The following HAVCR2 variants were observed in gnomAD, a reference collection of about 807,000 sequenced individuals.
HAVCR2 encodes T cell immunoglobulin mucin 3.
Under a neutral mutation model 24.7 loss-of-function variants are expected in HAVCR2, and 13 were observed. That is an observed-to-expected ratio of 0.53 (90% CI 0.34 to 0.84). HAVCR2 has a LOEUF of 0.84. Ranked by LOEUF, HAVCR2 falls within the 40% of genes least tolerant of loss-of-function variation. The pLI is 0.01. For synonymous variants in HAVCR2, 154 were observed against 143.4 expected, an observed-to-expected ratio of 1.07 and a Z score of -0.53; for missense variants, 343 against 371.2, an observed-to-expected ratio of 0.92 and a Z score of 0.62.
rs541706576 is a variant in HAVCR2 at position 157,099,141 on chromosome 5, A to C, written c.479-240T>G. Among the ~76,000 whole-genome samples, 13 of 152,336 alleles carry C rather than the reference A, an allele frequency of 8.5e-5. No individual in the cohort carries two copies. The South Asian group carries it at 2.7e-3, about 32-fold the overall frequency. On this transcript the variant is annotated intron_variant, in intron 3 of 6. Transcript: ENST00000307851. ...TCTAGATAATGAACCGTACTGTTTT[A>C]TGAAATAGAGACTTCTGCCAGGAAG...
intron 5 of HAVCR2, among the ~76,000 whole-genome samples, chr5:157,093,136 A>G (rs569170526): frequency 6.6e-5 from 10 of 150,848 alleles, no homozygotes; most frequent in Admixed American, 4.6e-4. Context: ...CATGTGATCA[A>G]TTCAAAAATT....
chr5:157,099,975 C>T (rs553442979), intron 3 of HAVCR2, among the ~76,000 whole-genome samples: 2 of 152,274 alleles, frequency 1.3e-5, no homozygotes, highest in South Asian at 2.1e-4. Context: ...GGATTACAGG[C>T]GTGAGCCACC....
chr5:157,095,308 T>G lies in HAVCR2; in HGVS notation c.674A>C (p.Lys225Thr). 6.2e-7 allele frequency: 1 copy of G among 1,613,336 alleles called. No individual in the cohort carries two copies. Among genetic ancestry groups the G allele is most frequent in the Non-Finnish European group, 8.5e-7 (1 of 1,179,762 alleles). Reference protein sequence around the residue: ...LALIFGALIFKWYSHSKEKIQ... With the variant: ...LALIFGALIFTWYSHSKEKIQ... ...GAGAGAGAAACAAAAACACTTACATTTGAAAATTAAAGCGCCGAAGATAAG... is the reference window on the plus strand; with the variant it reads ...GAGAGAGAAACAAAAACACTTACATGTGAAAATTAAAGCGCCGAAGATAAG... Residue 225 changes from lysine (K) to threonine (T), a missense_variant and splice_region_variant, in exon 5 of 7, where the codon AAA becomes ACA. Lys to Thr is a moderately conservative substitution (Grantham distance 78). Transcript: ENST00000307851.
At chr5:157,108,097 A>T (rs891362068) in intron 1 of HAVCR2, among the ~76,000 whole-genome samples, 3 of 152,026 alleles carry the variant, frequency 2.0e-5, no homozygotes, top group African/African-American at 7.2e-5. Flanking sequence ...ATGATAAAAC[A>T]TTCATTATAT....
chr5:157,104,598 C>G, intron 3 of HAVCR2, 68 bp downstream of exon 3: 2 of 1,093,794 alleles, frequency 1.8e-6, no homozygotes, highest in Non-Finnish European at 2.7e-6. Flanking sequence ...ATCTTTTTTT[C>G]CCACATTCAA....
At chr5:157,101,467 T>G (rs527500994) in intron 3 of HAVCR2, among the ~76,000 whole-genome samples, 1 of 152,358 alleles carries the variant, frequency 6.6e-6, no homozygotes, top group South Asian at 2.1e-4. Flanking sequence ...TATTTGGTAC[T>G]TATTAGGTGC....
chr5:157,091,571 G>A (rs367827844), intron 5 of HAVCR2, among the ~76,000 whole-genome samples: 1 of 152,194 alleles, frequency 6.6e-6, no homozygotes, highest in Admixed American at 6.6e-5. Flanking sequence ...GTCAAGGAGT[G>A]TAGATGGGTG....
At chr5:157,089,847 C>G (rs932251185) in intron 5 of HAVCR2, among the ~76,000 whole-genome samples, 1 of 152,026 alleles carries the variant, frequency 6.6e-6, no homozygotes, top group Non-Finnish European at 1.5e-5. Flanking sequence ...GGGCTAGGTC[C>G]AATAAGACCT....
At chr5:157,090,665 G>A (rs1224330953) in intron 5 of HAVCR2, among the ~76,000 whole-genome samples, 1 of 152,190 alleles carries the variant, frequency 6.6e-6, no homozygotes, top group Non-Finnish European at 1.5e-5. Flanking sequence ...TTATAGGCAT[G>A]AGCCATTGTG....
intron 3 of HAVCR2, among the ~76,000 whole-genome samples, chr5:157,102,705 C>T (rs1485952566): frequency 6.6e-6 from 1 of 151,992 alleles, no homozygotes; most frequent in Non-Finnish European, 1.5e-5. Context: ...GAGGCCGAGG[C>T]AGAGGGATCA....
chr5:157,106,915 G>C lies in HAVCR2; in HGVS notation c.106C>G (p.Leu36Val). Residue 36 changes from leucine (L) to valine (V), a missense_variant, in exon 2 of 7, where the codon CTG becomes GTG. Physicochemically the swap from Leu to Val is conservative, Grantham distance 32. Transcript: ENST00000307851. ...GCGGCTGGGGTGTAGAAGCAGGGCA[G>C]ATAGGCATTCTGACCGACCTCCGCT... ...YRAEVGQNAY[L>V]PCFYTPAAPG... The C allele has an allele frequency of 6.2e-7, 1 of 1,614,188 alleles. No individual in the cohort carries two copies. Among genetic ancestry groups the C allele is most frequent in the Non-Finnish European group, 8.5e-7 (1 of 1,180,018 alleles).
At chr5:157,099,003 A>G in intron 3 of HAVCR2, 102 bp from the exon 4 acceptor site, 3 of 1,005,286 alleles carry the variant, frequency 3.0e-6, no homozygotes, top group South Asian at 3.3e-5. Flanking sequence ...AATGATGCCT[A>G]TAATCCTATT....
intron 4 of HAVCR2, among the ~76,000 whole-genome samples, chr5:157,096,285 T>C (rs1757093708): frequency 6.7e-6 from 1 of 149,930 alleles, no homozygotes; most frequent in Admixed American, 6.7e-5. Context: ...TGAGTAATCC[T>C]GTAGAGTTAT....
rs72805186 is a variant in HAVCR2 at position 157,087,178 on chromosome 5, G to A, written c.830C>T (p.Pro277Leu). The A allele has an allele frequency of 0.011, 17,931 of 1,613,956 alleles. 131 individuals are homozygous for A. Among genetic ancestry groups the A allele is most frequent in the Non-Finnish European group, 0.013 (15,780 of 1,179,942 alleles). The part of the protein sequence containing the change: ...IEENVYEVEE[P>L]NEYYCYVSSR... Reference sequence around the variant, plus strand: ...GCTGACATAGCAATAATACTCATTGGGCTCCTCCACTTCATATACGTTCTC... The same window carrying A: ...GCTGACATAGCAATAATACTCATTGAGCTCCTCCACTTCATATACGTTCTC... The change falls in exon 7 of 7, where the codon CCC becomes CTC. Residue 277 changes from proline (P) to leucine (L), a missense_variant. Physicochemically the swap from Pro to Leu is moderately conservative, Grantham distance 98 (BLOSUM62 -3). Transcript: ENST00000307851.
Position 157,108,952 on chromosome 5 carries a change from A to G in HAVCR2, c.32T>C (p.Leu11Pro). The change falls in exon 1 of 7, where the codon CTG becomes CCG. Residue 11 changes from leucine (L) to proline (P), a missense_variant. Leu to Pro is a moderately conservative substitution (Grantham distance 98). Transcript: ENST00000307851. MFSHLPFDCV[L>P]LLLLLLLTRS... Reference sequence around the variant, plus strand: ...TGTAAGTAGTAGCAGCAGCAGCAGCAGGACACAGTCAAAGGGAAGATGTGA... The same window carrying G: ...TGTAAGTAGTAGCAGCAGCAGCAGCGGGACACAGTCAAAGGGAAGATGTGA... 6.2e-7 allele frequency: 1 copy of G among 1,614,200 alleles called. No individual in the cohort carries two copies. Among genetic ancestry groups the G allele is most frequent in the Non-Finnish European group, 8.5e-7 (1 of 1,180,010 alleles).
chr5:157,086,080 G>A lies in HAVCR2; in HGVS notation c.*1022C>T, dbSNP rs1756908457. Reference sequence around the variant, plus strand: ...TCTGTGAAAAATATAGCTTCAGTTTGGTCCACGAATACAGAAGTTGGTCAG... The same window carrying A: ...TCTGTGAAAAATATAGCTTCAGTTTAGTCCACGAATACAGAAGTTGGTCAG... On this transcript the variant is annotated 3_prime_UTR_variant, in exon 7 of 7. Coordinates refer to ENST00000307851, the MANE Select transcript of HAVCR2 (RefSeq NM_032782.5). 6.6e-6 allele frequency: 1 copy of A among 152,048 alleles called. No individual in the cohort carries two copies. The highest frequency in any genetic ancestry group is 1.5e-5 in the Non-Finnish European group (1 of 68,038). The allele number at this position is 152,048 out of a possible 1,614,324, so 9.4% of individuals were successfully genotyped here. A position where few individuals can be genotyped will look rare whatever the true frequency, so the allele number is the denominator to read the frequency against.
intron 5 of HAVCR2, among the ~76,000 whole-genome samples, chr5:157,092,284 T>G (rs904671771): frequency 4.6e-5 from 7 of 151,676 alleles, no homozygotes; most frequent in Admixed American, 2.0e-4. Flanking sequence ...TCCTTAACAA[T>G]CCCTAGTCTG....
intron 4 of HAVCR2, among the ~76,000 whole-genome samples, chr5:157,097,604 T>C (rs1380372318): frequency 6.6e-6 from 1 of 151,496 alleles, no homozygotes; most frequent in Non-Finnish European, 1.5e-5. Context: ...TGCCTTCTAG[T>C]GGTTTTTCTT....
chr5:157,106,610 T>C lies in HAVCR2; in HGVS notation c.394+17A>G, dbSNP rs1276586406. The C allele has an allele frequency of 6.3e-7, 1 of 1,588,100 alleles. No homozygotes were observed. The highest frequency in any genetic ancestry group is 2.2e-5 in the East Asian group (1 of 44,702). On this transcript the variant is annotated intron_variant, in intron 2 of 6. Transcript: ENST00000307851. ...ATAAATCTTATTCATAAAGATGGCA[T>C]GCAAATGTCCACTCACCTGGTTTGA...
Sources: gnomAD v4.1 joint callset for allele counts (sites outside exome capture counted in the v4.1 genomes callset) on GRCh38, gnomAD v4.1.1 for gene constraint, MANE v1.5 for transcripts, NCBI Gene and HGNC (gene_info 2026-07-23, HGNC 2026-07-21) for gene names.